ORAI2: variants seen among roughly 807,000 people sequenced by gnomAD.
The protein encoded by ORAI2 is protein orai-2.
ORAI2 carries 10 observed loss-of-function variants against 16.2 expected under a neutral mutation model. That is an observed-to-expected ratio of 0.62 (90% CI 0.38 to 1.04). ORAI2 has a LOEUF of 1.04. Ranked by LOEUF, ORAI2 falls within the 50% of genes least tolerant of loss-of-function variation. The probability of loss-of-function intolerance (pLI) is 0.01; values close to 1 mark genes in which losing one functional copy is unlikely to be tolerated. For missense variants in ORAI2, 238 were observed against 355.5 expected, an observed-to-expected ratio of 0.67 and a Z score of 2.66; for synonymous variants, 150 against 157.5, an observed-to-expected ratio of 0.95 and a Z score of 0.35.
intron 2 of ORAI2, among the ~76,000 whole-genome samples, chr7:102,437,052 G>A (rs896251443): frequency 2.0e-5 from 3 of 152,162 alleles, no homozygotes; most frequent in East Asian, 1.9e-4. Flanking sequence ...GGACACACGC[G>A]ACCGCCAATC....
chr7:102,444,534 C>G (rs1320656794), intron 3 of ORAI2, among the ~76,000 whole-genome samples: 8 of 116,892 alleles, frequency 6.8e-5, no homozygotes, highest in Non-Finnish European at 1.2e-4. Context: ...TCTTAAAGTG[C>G]TGGGATTACA....
At position 102,445,716 on chromosome 7, in the gene ORAI2, A is replaced by G. The variant is rs78904148; in HGVS notation, c.226-797A>G. ...CAGCAGCCTGGAATTCCTGGCCTCA[A>G]GTGATCTTCCTGCCTCAACCTCCCA... On this transcript the variant is annotated intron_variant, in intron 3 of 3. Transcript: ENST00000495936. Among the ~76,000 whole-genome samples the G allele has an allele frequency of 4.0e-5, 6 of 151,766 alleles. No homozygotes were observed. In the East Asian group the frequency reaches 1.2e-3, roughly 29 times the overall value.
At chr7:102,443,145 T>TTA (rs1797258517) in intron 3 of ORAI2, among the ~76,000 whole-genome samples, 1 of 148,254 alleles carries the variant, frequency 6.7e-6, no homozygotes, top group African/African-American at 2.5e-5. Context: ...TTTTTTTTTT[T>TTA]AATAGAGATG....
At chr7:102,435,636 G>C (rs1162644976) in intron 1 of ORAI2, among the ~76,000 whole-genome samples, 2 of 148,358 alleles carry the variant, frequency 1.3e-5, no homozygotes, top group Admixed American at 6.9e-5. Flanking sequence ...ACCACACCCA[G>C]CTATTTTTTT....
At chr7:102,442,693 C>CA (rs1035025972) in intron 3 of ORAI2, among the ~76,000 whole-genome samples, 8 of 147,792 alleles carry the variant, frequency 5.4e-5, no homozygotes, top group South Asian at 2.1e-4. Flanking sequence ...TCTCAAAAAA[C>CA]AAAAAAACAA....
chr7:102,438,056 A>T (rs932529702), intron 2 of ORAI2, among the ~76,000 whole-genome samples: 11 of 147,550 alleles, frequency 7.5e-5, no homozygotes, highest in South Asian at 2.2e-4. Flanking sequence ...CTCTATTTTT[A>T]AAAAAAGTAG....
intron 3 of ORAI2, among the ~76,000 whole-genome samples, chr7:102,441,549 A>G (rs1479024866): frequency 6.6e-6 from 1 of 151,576 alleles, no homozygotes. Flanking sequence ...AAAAAAAAAA[A>G]AAAGAAAAAA....
intron 3 of ORAI2, among the ~76,000 whole-genome samples, chr7:102,441,763 C>T (rs747084881): frequency 3.3e-5 from 5 of 152,046 alleles, no homozygotes; most frequent in Non-Finnish European, 4.4e-5. Context: ...CAGTGGGAAG[C>T]AAGTGAACCA....
chr7:102,449,411 T>G lies in ORAI2; in HGVS notation c.*2359T>G, dbSNP rs1797466437. 1 of 151,534 alleles carries G rather than the reference T, an allele frequency of 6.6e-6. No homozygotes were observed. Among genetic ancestry groups the G allele is most frequent in the Admixed American group, 6.6e-5 (1 of 15,210 alleles). The allele number at this position is 151,534 out of a possible 1,614,324, so 9.4% of individuals were successfully genotyped here. A position where few individuals can be genotyped will look rare whatever the true frequency, so the allele number is the denominator to read the frequency against. On this transcript the variant is annotated 3_prime_UTR_variant, in exon 4 of 4. Transcript: ENST00000495936. ...AGACCCCATGTCTAAAAAAATTATT[T>G]TAAATTAGCCAGGCCGGGTGCAATG... is the stretch of plus-strand genomic sequence containing the variant.
At position 102,442,428 on chromosome 7, in the gene ORAI2, C is replaced by A. The variant is rs186322503; in HGVS notation, c.225+3247C>A. On this transcript the variant is annotated intron_variant, in intron 3 of 3. Transcript: ENST00000495936. ...ATTAGGCTGGGCGCAGTGGCTCACA[C>A]CTGTAATCTGAGCACTTTGGGAGGC... 1.5e-3 allele frequency among the ~76,000 whole-genome samples: 223 copies of A among 152,278 alleles called. 1 individual carries two copies. Among genetic ancestry groups the A allele is most frequent in the African/African-American group, 5.3e-3 (219 of 41,562 alleles).
rs1797376352 is a variant in ORAI2, at chr7:102,446,720, T to C, written c.433T>C (p.Tyr145His). The change falls in exon 4 of 4, where the codon TAC becomes CAC. Residue 145 changes from tyrosine to histidine, a missense_variant. This residue lies in a region of ORAI2 where 176 missense variants were observed against 265.9 expected (regional missense o/e 0.66). Coordinates refer to ENST00000495936, the MANE Select transcript of ORAI2 (RefSeq NM_001126340.3). ...SESPHERMHP[Y>H]IELAWGFSTV... ...GTCCCCGCATGAGCGCATGCACCCC[T>C]ACATCGAGCTGGCCTGGGGCTTCTC... The C allele has an allele frequency of 1.2e-6, 2 of 1,614,172 alleles. No individual in the cohort carries two copies. Among genetic ancestry groups the C allele is most frequent in the Non-Finnish European group, 1.7e-6 (2 of 1,180,034 alleles).
Position 102,446,795 on chromosome 7 carries a change from T to G in ORAI2, c.508T>G (p.Trp170Gly). 1 of 1,614,140 alleles carries G rather than the reference T, an allele frequency of 6.2e-7. No homozygotes were observed. The highest frequency in any genetic ancestry group is 8.5e-7 in the Non-Finnish European group (1 of 1,180,034). Residue 170 changes from tryptophan (W) to glycine (G), a missense_variant, in exon 4 of 4, where the codon TGG becomes GGG. Physicochemically the swap from Trp to Gly is radical, Grantham distance 184. Around this residue, in one of 3 missense-constraint regions of ORAI2, gnomAD observed 176 missense variants for 265.9 expected, o/e 0.66. Coordinates refer to ENST00000495936, the MANE Select transcript of ORAI2 (RefSeq NM_001126340.3). ...CCTGGCCGAGGTGGTGCTGCTCTGCTGGATCAAGTTCCTCCCCGTGGATGC... is the reference window on the plus strand; with the variant it reads ...CCTGGCCGAGGTGGTGCTGCTCTGCGGGATCAAGTTCCTCCCCGTGGATGC... ...LFLAEVVLLC[W>G]IKFLPVDARR... is the part of the protein sequence containing the mutation.
rs745772036 is a variant in ORAI2 at position 102,446,881 on chromosome 7, G to A, written c.594G>A (p.Leu198=). ...PGSHTGWQAA[L]VSTIIMVPVG... is the part of the protein sequence containing the mutation. ...GTCACACGGGCTGGCAGGCCGCCCT[G>A]GTGTCCACCATCATCATGGTGCCCG... Residue 198 remains leucine, a synonymous_variant, in exon 4 of 4, where the codon CTG becomes CTA. Transcript: ENST00000495936. The A allele has an allele frequency of 1.2e-6, 2 of 1,613,524 alleles. No homozygotes were observed. The highest frequency in any genetic ancestry group is 1.7e-5 in the Admixed American group (1 of 60,012).
Position 102,438,990 on chromosome 7 carries a change from T to C in ORAI2, c.34T>C (p.Ser12Pro). The C allele has an allele frequency of 6.2e-7, 1 of 1,613,764 alleles. No homozygotes were observed. Among genetic ancestry groups the C allele is most frequent in the Non-Finnish European group, 8.5e-7 (1 of 1,179,960 alleles). ...SAELNVPIDP[S>P]APACPEPGHK... Reference sequence around the variant, plus strand: ...TGAGCTTAACGTGCCTATCGACCCCTCTGCTCCTGCCTGCCCTGAGCCCGG... The same window carrying C: ...TGAGCTTAACGTGCCTATCGACCCCCCTGCTCCTGCCTGCCCTGAGCCCGG... The change falls in exon 3 of 4, where the codon TCT becomes CCT. Residue 12 changes from serine to proline, a missense_variant. By Grantham distance (74) the Ser-to-Pro change is moderately conservative. Around this residue, in one of 3 missense-constraint regions of ORAI2, gnomAD observed 61 missense variants for 72.7 expected, o/e 0.84. Coordinates refer to ENST00000495936, the MANE Select transcript of ORAI2 (RefSeq NM_001126340.3).
rs1285825239 is a variant in ORAI2 at position 102,456,252 on chromosome 7, TTTTA to T, written c.*9208_*9211del. 1 of 153,418 alleles carries T rather than the reference TTTTA, an allele frequency of 6.5e-6. No homozygotes were observed. Among genetic ancestry groups the T allele is most frequent in the East Asian group, 1.9e-4 (1 of 5,194 alleles). The allele number at this position is 153,418 out of a possible 1,614,324, so 9.5% of individuals were successfully genotyped here. On this transcript the variant is annotated 3_prime_UTR_variant, in exon 4 of 4. Coordinates refer to ENST00000495936, the MANE Select transcript of ORAI2 (RefSeq NM_001126340.3). ...AGGTGAGGAGCTTTTTTTGTTTTCC[TTTTA>T]TTTATTTTAGGGACAGGGTCTTGCT...
chr7:102,442,491 A>G (rs1285278124), intron 3 of ORAI2, among the ~76,000 whole-genome samples: 2 of 152,140 alleles, frequency 1.3e-5, no homozygotes, highest in Non-Finnish European at 2.9e-5. Context: ...AATGGAGACC[A>G]TCCTGGCTAA....
chr7:102,453,474 A>AC lies in ORAI2; in HGVS notation c.*6423dup, dbSNP rs1797576852. 1 of 152,216 alleles carries AC rather than the reference A, an allele frequency of 6.6e-6. No individual in the cohort carries two copies. The highest frequency in any genetic ancestry group is 2.4e-5 in the African/African-American group (1 of 41,450). 9.4% of individuals were successfully genotyped at this position (152,216 alleles called of 1,614,324 possible). A position where few individuals can be genotyped will look rare whatever the true frequency, so the allele number is the denominator to read the frequency against. On this transcript the variant is annotated 3_prime_UTR_variant, in exon 4 of 4. Coordinates refer to ENST00000495936, the MANE Select transcript of ORAI2 (RefSeq NM_001126340.3). ...TGCTAGGAATCAGGTGTGCCAAGCA[A>AC]CTGGCACCACTCCATGGAAAGCGTC... is the stretch of plus-strand genomic sequence containing the variant.
rs1037131474 is a variant in ORAI2, at chr7:102,448,157, A to G, written c.*1105A>G. 1 of 152,414 alleles carries G rather than the reference A, an allele frequency of 6.6e-6. No homozygotes were observed. Among genetic ancestry groups the G allele is most frequent in the African/African-American group, 2.4e-5 (1 of 41,476 alleles). 9.4% of individuals were successfully genotyped at this position (152,414 alleles called of 1,614,324 possible). A position where few individuals can be genotyped will look rare whatever the true frequency, so the allele number is the denominator to read the frequency against. On this transcript the variant is annotated 3_prime_UTR_variant, in exon 4 of 4. Transcript: ENST00000495936. ...GAGTGCCCTCCTTGTTATGACACCA[A>G]GTGACTACAAGGGAGGCAAGACCCC...
rs1797600876 is a variant in ORAI2, at chr7:102,454,583, G to A, written c.*7531G>A. On this transcript the variant is annotated 3_prime_UTR_variant, in exon 4 of 4. Coordinates refer to ENST00000495936, the MANE Select transcript of ORAI2 (RefSeq NM_001126340.3). ...CACCACCTGCCACTCTGAGCAAACA[G>A]GCAACGGTGTTTCCTGAACATCTTT... The A allele has an allele frequency of 6.5e-6, 1 of 153,418 alleles. No individual in the cohort carries two copies. Among genetic ancestry groups the A allele is most frequent in the Non-Finnish European group, 1.5e-5 (1 of 68,116 alleles). The allele number at this position is 153,418 out of a possible 1,614,324, so 9.5% of individuals were successfully genotyped here.
Sources: gnomAD v4.1 joint callset for allele counts (sites outside exome capture counted in the v4.1 genomes callset) on GRCh38, gnomAD v4.1.1 for gene constraint, gnomAD v4.1.1 regional missense constraint, MANE v1.5 for transcripts, NCBI Gene and HGNC (gene_info 2026-07-23, HGNC 2026-07-21) for gene names.